Variants in SFMBT1 observed in about 807,000 individuals in gnomAD.
The protein encoded by SFMBT1 is Scm like with four mbt domains 1.
In SFMBT1, 32 loss-of-function variants were observed where a neutral mutation model predicts 108.7. The observed-to-expected ratio is 0.29, with a 90% CI of 0.22 to 0.40. SFMBT1 has a LOEUF of 0.40. SFMBT1 is among the 10% of genes least tolerant of loss of function. SFMBT1 has a pLI of 1.00. For missense variants in SFMBT1, 816 were observed against 1,059.6 expected, an observed-to-expected ratio of 0.77 and a Z score of 3.19; for synonymous variants, 348 against 369.5, an observed-to-expected ratio of 0.94 and a Z score of 0.67.
At chr3:52,928,150 G>A in intron 9 of SFMBT1, 41 bp downstream of exon 9, 1 of 1,586,828 alleles carries the variant, frequency 6.3e-7, no homozygotes, top group Middle Eastern at 1.7e-4. Flanking sequence ...ATTTCAAGGA[G>A]AAGCTCTCAA....
chr3:52,905,044 G>A lies in SFMBT1; in HGVS notation c.*92C>T. ...CAAGCTGATACCTGCAGGCCCCAGA[G>A]CCCCAGGACTATTCCAGCTCCACTT... is the stretch of plus-strand genomic sequence containing the variant. On this transcript the variant is annotated 3_prime_UTR_variant, in exon 21 of 21. Transcript: ENST00000394752. 1 of 1,528,030 alleles carries A rather than the reference G, an allele frequency of 6.5e-7. No individual in the cohort carries two copies. Among genetic ancestry groups the A allele is most frequent in the Non-Finnish European group, 8.8e-7 (1 of 1,131,810 alleles). 94.7% of individuals were successfully genotyped at this position (1,528,030 alleles called of 1,614,324 possible).
chr3:52,991,871 A>G (rs1013495705), intron 1 of SFMBT1, among the ~76,000 whole-genome samples: 2 of 152,154 alleles, frequency 1.3e-5, no homozygotes, highest in African/African-American at 2.4e-5. Context: ...CAGACTCCAG[A>G]ATAGTGAGAA....
intron 1 of SFMBT1, among the ~76,000 whole-genome samples, chr3:53,022,113 G>T (rs1699329205): frequency 6.6e-6 from 1 of 152,188 alleles, no homozygotes; most frequent in South Asian, 2.1e-4. Flanking sequence ...AAGAACAGAA[G>T]AATCTAAGCT....
At chr3:52,921,406 C>T (rs2106780324) in intron 11 of SFMBT1, among the ~76,000 whole-genome samples, 1 of 152,224 alleles carries the variant, frequency 6.6e-6, no homozygotes, top group South Asian at 2.1e-4. Flanking sequence ...GTGTTAATGT[C>T]CATGCTCATA....
intron 11 of SFMBT1, 37 bp from the exon 12 acceptor site, chr3:52,920,687 AAAC>A: frequency 7.4e-7 from 1 of 1,356,052 alleles, no homozygotes; most frequent in Middle Eastern, 1.8e-4. Context: ...ACAAACAAAC[AAAC>A]CTTTTTTTAG....
intron 1 of SFMBT1, among the ~76,000 whole-genome samples, chr3:52,987,506 G>A (rs569281322): frequency 7.2e-5 from 11 of 152,260 alleles, no homozygotes; most frequent in African/African-American, 2.6e-4. Flanking sequence ...ACCATTGACT[G>A]AAACACCATC....
At chr3:52,933,370 TTAACTC>T (rs1007534702) in intron 5 of SFMBT1, among the ~76,000 whole-genome samples, 43 of 152,310 alleles carry the variant, frequency 2.8e-4, no homozygotes, top group African/African-American at 9.9e-4. Flanking sequence ...AAGGAAAAGT[TTAACTC>T]TCACTATCTA....
chr3:52,916,355 A>AT lies in SFMBT1; in HGVS notation c.1416-142_1416-141insA. 1.1e-5 allele frequency: 5 copies of AT among 450,950 alleles called. No homozygotes were observed. In the South Asian group the frequency reaches 1.2e-4, roughly 11 times the overall value. 27.9% of individuals were successfully genotyped at this position (450,950 alleles called of 1,614,324 possible). ...TAACAGAAGGTACTCCCTTGATGAT[A>AT]CTTTTTTTTTTTTTTTTTTTTTTTA... On this transcript the variant is annotated intron_variant, in intron 13 of 20. Transcript: ENST00000394752.
chr3:52,968,885 G>A (rs1704243660), intron 2 of SFMBT1, among the ~76,000 whole-genome samples: 1 of 152,068 alleles, frequency 6.6e-6, no homozygotes, highest in African/African-American at 2.4e-5. Flanking sequence ...GAGCCACCGC[G>A]CCCGGCCTTG....
chr3:53,015,011 G>A (rs568912768), intron 1 of SFMBT1, among the ~76,000 whole-genome samples: 1 of 152,302 alleles, frequency 6.6e-6, no homozygotes, highest in Admixed American at 6.5e-5. Flanking sequence ...TTGAGCCCAG[G>A]AGTGGGAGGC....
chr3:53,040,240 T>A (rs1408933734), intron 1 of SFMBT1, among the ~76,000 whole-genome samples: 1 of 152,164 alleles, frequency 6.6e-6, no homozygotes, highest in Non-Finnish European at 1.5e-5. Flanking sequence ...AGTAGCCACC[T>A]CAAATGCTTT....
Position 52,921,760 on chromosome 3 carries a change from C to A in SFMBT1, c.1203G>T (p.Val401=). 3.1e-6 allele frequency: 5 copies of A among 1,614,150 alleles called. No homozygotes were observed. The highest frequency in any genetic ancestry group is 4.2e-6 in the Non-Finnish European group (5 of 1,180,034). ...EAVNPILPEE[V]CVATITAVRG... is the part of the protein sequence containing the mutation. Reference sequence around the variant, plus strand: ...TCACTGCAGTGATGGTAGCAACACACACTTCTTCAGGGAGAATGGGGTTCA... The same window carrying A: ...TCACTGCAGTGATGGTAGCAACACAAACTTCTTCAGGGAGAATGGGGTTCA... Residue 401 remains valine (V), a synonymous_variant, in exon 11 of 21, where the codon GTG becomes GTT. Transcript: ENST00000394752.
At chr3:52,938,459 A>G (rs1703089848) in intron 4 of SFMBT1, among the ~76,000 whole-genome samples, 1 of 152,110 alleles carries the variant, frequency 6.6e-6, no homozygotes, top group Non-Finnish European at 1.5e-5. Flanking sequence ...TTACCTTTAT[A>G]TAACACTTTT....
intron 2 of SFMBT1, among the ~76,000 whole-genome samples, chr3:52,957,322 A>C (rs985529849): frequency 4.6e-5 from 7 of 152,232 alleles, no homozygotes; most frequent in Non-Finnish European, 1.0e-4. Context: ...GAAATGAGAG[A>C]GGACACAAAC....
At chr3:52,988,491 G>A (rs537414315) in intron 1 of SFMBT1, among the ~76,000 whole-genome samples, 113 of 152,216 alleles carry the variant, frequency 7.4e-4, no homozygotes, top group African/African-American at 2.5e-3. Context: ...GGGTATCCTC[G>A]GGGAAACACA....
At chr3:52,990,338 AGAG>A (rs1363424493) in intron 1 of SFMBT1, among the ~76,000 whole-genome samples, 3 of 152,228 alleles carry the variant, frequency 2.0e-5, no homozygotes, top group African/African-American at 7.2e-5. Flanking sequence ...GGTATTTTGA[AGAG>A]TATCACAGGC....
At position 52,994,709 on chromosome 3, in the gene SFMBT1, G is replaced by C. The variant is rs917413229; in HGVS notation, c.-130-25451C>G. On this transcript the variant is annotated intron_variant, in intron 1 of 20. Transcript: ENST00000394752. ...GAGATGGGGTTTCACTGTGTTGGCC[G>C]GGCTGGTCTCAAACTCCCGACCTCA... 1.3e-5 allele frequency among the ~76,000 whole-genome samples: 2 copies of C among 149,768 alleles called. 1 individual carries two copies. The highest frequency in any genetic ancestry group is 3.0e-5 in the Non-Finnish European group (2 of 66,914).
chr3:53,012,532 AGCTGGGACTACAGGC>A (rs1436678353), intron 1 of SFMBT1, among the ~76,000 whole-genome samples: 5 of 151,848 alleles, frequency 3.3e-5, no homozygotes, highest in African/African-American at 1.2e-4. Flanking sequence ...CCTCCCGAGT[AGCTGGGACTACAGGC>A]GCCCGCCACC....
intron 7 of SFMBT1, 148 bp downstream of exon 7, chr3:52,930,793 T>C: frequency 1.6e-6 from 1 of 632,138 alleles, no homozygotes; most frequent in Non-Finnish European, 2.8e-6. Flanking sequence ...ACAAGGATGA[T>C]CATCAGTCCA....
Sources: allele counts gnomAD v4.1 joint callset (sites outside exome capture counted in the v4.1 genomes callset), GRCh38; gene constraint gnomAD v4.1.1; transcripts MANE v1.5; gene names NCBI Gene and HGNC (gene_info 2026-07-23, HGNC 2026-07-21).